Variants in KCNIP4 observed in about 807,000 individuals in gnomAD.
KCNIP4 encodes Kv channel-interacting protein 4.
KCNIP4 carries 12 observed loss-of-function variants against 34.0 expected under a neutral mutation model. The observed-to-expected ratio is 0.35, with a 90% CI of 0.23 to 0.57. The LOEUF is 0.57. KCNIP4 is among the 20% of genes least tolerant of loss of function. The pLI is 0.83. For synonymous variants in KCNIP4, 124 were observed against 102.2 expected (o/e 1.21, Z -1.29); for missense variants, 238 against 311.7 (o/e 0.76, Z 1.78).
chr4:21,104,080 A>G (rs1024944658), intron 1 of KCNIP4, among the ~76,000 whole-genome samples: 2 of 152,152 alleles, frequency 1.3e-5, no homozygotes, highest in Admixed American at 1.3e-4. Flanking sequence ...CATGATTTAT[A>G]GTCCCTTGGG....
At position 20,796,631 on chromosome 4, in the gene KCNIP4, T is replaced by C. The variant is rs367795288; in HGVS notation, c.289-37741A>G. Among the ~76,000 whole-genome samples the C allele has an allele frequency of 1.9e-4, 28 of 150,432 alleles. 1 individual carries two copies. The highest frequency in any genetic ancestry group is 6.8e-4 in the African/African-American group (28 of 40,972). ...TTTTTTTTTTTTTTTACCACTTCCA[T>C]GGCCTAAAAGAATCACTTTTGTTTT... On this transcript the variant is annotated intron_variant, in intron 3 of 8. Coordinates refer to ENST00000382152, the MANE Select transcript of KCNIP4 (RefSeq NM_025221.6).
At chr4:21,880,702 T>C (rs1003985056) in intron 1 of KCNIP4, among the ~76,000 whole-genome samples, 1 of 152,224 alleles carries the variant, frequency 6.6e-6, no homozygotes, top group Non-Finnish European at 1.5e-5. Flanking sequence ...TATTCCAATC[T>C]TGTAGTAGCT....
intron 1 of KCNIP4, among the ~76,000 whole-genome samples, chr4:20,886,006 CTA>C (rs1296557012): frequency 9.2e-5 from 14 of 152,146 alleles, no homozygotes; most frequent in African/African-American, 3.4e-4. Flanking sequence ...CCATAGTTTT[CTA>C]TGTTTCTCCA....
intron 1 of KCNIP4, among the ~76,000 whole-genome samples, chr4:21,511,444 T>C (rs1045803256): frequency 1.3e-5 from 2 of 152,122 alleles, no homozygotes; most frequent in Non-Finnish European, 2.9e-5. Flanking sequence ...TAAATAACAA[T>C]ATTGCATTAT....
At chr4:21,801,554 G>T (rs1720993129) in intron 1 of KCNIP4, among the ~76,000 whole-genome samples, 1 of 152,020 alleles carries the variant, frequency 6.6e-6, no homozygotes, top group Admixed American at 6.6e-5. Context: ...CCAGAACACT[G>T]CTTGGAAAAT....
chr4:21,452,763 C>T (rs1409227470), intron 1 of KCNIP4, among the ~76,000 whole-genome samples: 2 of 148,070 alleles, frequency 1.4e-5, no homozygotes, highest in African/African-American at 5.0e-5. Flanking sequence ...ACATTGTCTG[C>T]TATCTCTGAA....
At chr4:21,276,897 T>G (rs1762476881) in intron 1 of KCNIP4, among the ~76,000 whole-genome samples, 1 of 152,150 alleles carries the variant, frequency 6.6e-6, no homozygotes, top group African/African-American at 2.4e-5. Flanking sequence ...CCTTCTTTCT[T>G]CACTATTTAT....
chr4:21,544,311 T>C (rs912453063), intron 1 of KCNIP4: 7 of 151,988 alleles, frequency 4.6e-5, no homozygotes, highest in South Asian at 2.1e-4. Context: ...ATTTAAGACA[T>C]TGTATTAACT....
intron 1 of KCNIP4, among the ~76,000 whole-genome samples, chr4:21,313,121 T>A (rs1713368392): frequency 6.6e-6 from 1 of 152,234 alleles, no homozygotes; most frequent in South Asian, 2.1e-4. Flanking sequence ...AGTTGTCTGA[T>A]GCATAATTCA....
rs111885279 is a variant in KCNIP4, at chr4:21,069,135, A to T, written c.62-186426T>A. 4.3e-3 allele frequency among the ~76,000 whole-genome samples: 648 copies of T among 152,354 alleles called. 4 individuals carry two copies. The highest frequency in any genetic ancestry group is 0.015 in the African/African-American group (618 of 41,580). On this transcript the variant is annotated intron_variant, in intron 1 of 8. Transcript: ENST00000382152. ...GCATAGATAACTACTGTATAAATGT[A>T]GCAATAAATAGTAGTACAACCCAAT...
chr4:21,577,574 T>A (rs1740839469), intron 1 of KCNIP4, among the ~76,000 whole-genome samples: 1 of 152,032 alleles, frequency 6.6e-6, no homozygotes, highest in African/African-American at 2.4e-5. Flanking sequence ...GAGGTTACAG[T>A]GAGCCGAGAT....
chr4:21,555,256 G>A (rs373991332), intron 1 of KCNIP4, among the ~76,000 whole-genome samples: 4 of 152,274 alleles, frequency 2.6e-5, no homozygotes, highest in African/African-American at 9.6e-5. Flanking sequence ...CATCAATGCA[G>A]AGAGCTGCTT....
At chr4:21,701,789 T>C (rs1160347646) in intron 1 of KCNIP4, among the ~76,000 whole-genome samples, 2 of 152,036 alleles carry the variant, frequency 1.3e-5, no homozygotes, top group African/African-American at 4.8e-5. Context: ...CTGCAACCTC[T>C]ACCTCCTGGG....
chr4:20,941,280 A>C (rs1295511391), intron 1 of KCNIP4, among the ~76,000 whole-genome samples: 2 of 152,220 alleles, frequency 1.3e-5, no homozygotes, highest in Non-Finnish European at 2.9e-5. Context: ...TAATTTTTCC[A>C]ACGTTAGTAG....
chr4:21,482,635 T>C (rs1223735885), intron 1 of KCNIP4, among the ~76,000 whole-genome samples: 1 of 152,280 alleles, frequency 6.6e-6, no homozygotes. Context: ...TGTTGAATAT[T>C]GGCCCCCACT....
intron 2 of KCNIP4, among the ~76,000 whole-genome samples, chr4:20,863,647 G>T (rs570042277): frequency 4.8e-4 from 73 of 152,188 alleles, no homozygotes; most frequent in African/African-American, 1.7e-3. Context: ...TTCAGCCTAC[G>T]CCCAGGAATG....
chr4:21,530,649 T>C (rs1268197837), intron 1 of KCNIP4, among the ~76,000 whole-genome samples: 1 of 152,192 alleles, frequency 6.6e-6, no homozygotes, highest in Non-Finnish European at 1.5e-5. Flanking sequence ...ATAGGACTCA[T>C]TGTTTAAGCT....
At chr4:21,825,551 G>T (rs1722628982) in intron 1 of KCNIP4, among the ~76,000 whole-genome samples, 3 of 152,172 alleles carry the variant, frequency 2.0e-5, no homozygotes, top group African/African-American at 7.2e-5. Context: ...TAATTAGAAT[G>T]GTTTCCACAA....
chr4:21,016,514 C>T lies in KCNIP4; in HGVS notation c.62-133805G>A, dbSNP rs368823008. 1.9e-3 allele frequency among the ~76,000 whole-genome samples: 288 copies of T among 152,236 alleles called. 6 individuals are homozygous for T. In the South Asian group the frequency reaches 0.053, roughly 28 times the overall value. ...GTTTCACCGTGTTAGCCTGGATGGT[C>T]TCGATCTCCTGACCTCGTGATCTGC... On this transcript the variant is annotated intron_variant, in intron 1 of 8. Coordinates refer to ENST00000382152, the MANE Select transcript of KCNIP4 (RefSeq NM_025221.6).
Sources: gnomAD v4.1 joint callset for allele counts (sites outside exome capture counted in the v4.1 genomes callset) on GRCh38, gnomAD v4.1.1 for gene constraint, MANE v1.5 for transcripts, NCBI Gene and HGNC (gene_info 2026-07-23, HGNC 2026-07-21) for gene names.